The following TOM1L1 variants were observed in gnomAD, a reference collection of about 807,000 sequenced individuals.
The protein encoded by TOM1L1 is target of myb1 like 1 membrane trafficking protein, also known as TOM1-like protein 1.
A neutral mutation model predicts 63.4 loss-of-function variants in TOM1L1; 64 were observed. The ratio of observed to expected loss-of-function variants is 1.01; its 90% CI spans 0.83 to 1.24. TOM1L1 has a LOEUF of 1.24. TOM1L1 is among the 50% of genes most tolerant of loss of function. TOM1L1 has a pLI of 0.00. For missense variants in TOM1L1, 536 were observed against 567.0 expected (o/e 0.95, Z 0.55); for synonymous variants, 166 against 194.4 (o/e 0.85, Z 1.22).
At position 54,947,253 on chromosome 17, in the gene TOM1L1, T is replaced by C. The variant is rs2143946448; in HGVS notation, c.1131-8T>C. ...GGGTAATCATTCTGTGTTATCACAC[T>C]ATCCTAGGTTTGCCCAAAGGACCAG... On this transcript the variant is annotated splice_region_variant and splice_polypyrimidine_tract_variant and intron_variant, in intron 11 of 15. Transcript: ENST00000575882. The C allele has an allele frequency of 6.2e-7, 1 of 1,613,954 alleles. No homozygotes were observed. The highest frequency in any genetic ancestry group is 1.1e-5 in the South Asian group (1 of 91,068).
chr17:54,935,405 G>A (rs2048928772), intron 8 of TOM1L1, among the ~76,000 whole-genome samples: 3 of 152,182 alleles, frequency 2.0e-5, no homozygotes, highest in Admixed American at 2.0e-4. Context: ...CCATCTGGAT[G>A]TATACCTGCA....
chr17:54,937,036 C>T, intron 9 of TOM1L1, 73 bp from the exon 10 acceptor site: 1 of 1,282,808 alleles, frequency 7.8e-7, no homozygotes. Flanking sequence ...CTCCCCTCTA[C>T]AAAGGAGAAA....
At chr17:54,934,090 A>C (rs9893378) in intron 8 of TOM1L1, among the ~76,000 whole-genome samples, 9,160 of 152,262 alleles carry the variant, frequency 0.06, 874 homozygotes, top group African/African-American at 0.21. Flanking sequence ...CTACATAAGC[A>C]GTAGGGCAGA....
At chr17:54,942,077 CAAAG>C (rs977238516) in intron 11 of TOM1L1, among the ~76,000 whole-genome samples, 15 of 151,882 alleles carry the variant, frequency 9.9e-5, no homozygotes, top group Non-Finnish European at 1.9e-4. Context: ...AAAACAATAA[CAAAG>C]AAGACAGGAT....
At chr17:54,929,951 G>GGTA in intron 7 of TOM1L1, 122 bp from the exon 8 acceptor site, 1 of 1,163,572 alleles carries the variant, frequency 8.6e-7, no homozygotes, top group Non-Finnish European at 1.2e-6. Context: ...TAAGTACTTT[G>GGTA]GTAGTGCCCC....
chr17:54,939,049 A>G (rs1042816039), intron 11 of TOM1L1, 29 bp downstream of exon 11: 2 of 1,381,802 alleles, frequency 1.4e-6, no homozygotes, highest in African/African-American at 2.9e-5. Flanking sequence ...CTGCAGAACT[A>G]ATATCATGAC....
At chr17:54,915,412 T>C (rs1362278337) in intron 6 of TOM1L1, among the ~76,000 whole-genome samples, 1 of 152,144 alleles carries the variant, frequency 6.6e-6, no homozygotes, top group Non-Finnish European at 1.5e-5. Context: ...ACTTTTGCCA[T>C]TTTATCCAGG....
intron 3 of TOM1L1, among the ~76,000 whole-genome samples, chr17:54,908,328 A>G (rs937459750): frequency 2.0e-5 from 3 of 152,166 alleles, no homozygotes; most frequent in African/African-American, 7.2e-5. Context: ...TTAATGGTCT[A>G]GTCACCTCGT....
At chr17:54,959,211 G>A (rs901645253) in intron 14 of TOM1L1, 5 of 152,120 alleles carry the variant, frequency 3.3e-5, no homozygotes, top group East Asian at 1.9e-4. Context: ...GTTTCATAGC[G>A]CTGTGATTTT....
At chr17:54,942,897 G>T (rs1475769046) in intron 11 of TOM1L1, among the ~76,000 whole-genome samples, 3 of 152,100 alleles carry the variant, frequency 2.0e-5, no homozygotes, top group Admixed American at 6.5e-5. Context: ...GCTATAGTTT[G>T]TCTTTGAGAA....
intron 7 of TOM1L1, among the ~76,000 whole-genome samples, chr17:54,922,137 C>CA (rs2048694291): frequency 6.6e-6 from 1 of 151,546 alleles, no homozygotes; most frequent in South Asian, 2.1e-4. Flanking sequence ...CTAAAAAATA[C>CA]AAAAAATTAG....
At chr17:54,947,895 ACC>A (rs2078503857) in intron 12 of TOM1L1, among the ~76,000 whole-genome samples, 1 of 151,774 alleles carries the variant, frequency 6.6e-6, no homozygotes, top group Non-Finnish European at 1.5e-5. Flanking sequence ...TGTAGCCCAG[ACC>A]CCTTCTCTAA....
At chr17:54,958,289 A>T (rs1408971328) in intron 14 of TOM1L1, 2 of 152,258 alleles carry the variant, frequency 1.3e-5, no homozygotes, top group Admixed American at 1.3e-4. Flanking sequence ...AATGGATTGG[A>T]GATCATTGAT....
At chr17:54,943,481 A>T (rs1381204389) in intron 11 of TOM1L1, among the ~76,000 whole-genome samples, 1 of 77,148 alleles carries the variant, frequency 1.3e-5, no homozygotes, top group South Asian at 3.7e-4. Flanking sequence ...TGTGTGTGTG[A>T]AATAAAGTTG....
At chr17:54,913,988 A>G in intron 5 of TOM1L1, 115 bp downstream of exon 5, 1 of 1,216,396 alleles carries the variant, frequency 8.2e-7, no homozygotes, top group Non-Finnish European at 1.1e-6. Flanking sequence ...TGAAGTTATT[A>G]GAAGGATATT....
intron 8 of TOM1L1, among the ~76,000 whole-genome samples, chr17:54,933,360 T>C (rs1375140895): frequency 1.3e-5 from 2 of 152,190 alleles, no homozygotes; most frequent in African/African-American, 2.4e-5. Context: ...TCCCAGATAA[T>C]CTCCCAATTA....
chr17:54,920,645 A>T (rs1473242026), intron 7 of TOM1L1, among the ~76,000 whole-genome samples: 1 of 152,170 alleles, frequency 6.6e-6, no homozygotes, highest in East Asian at 1.9e-4. Flanking sequence ...AAGAATGAAT[A>T]GGCCTTGGGC....
At chr17:54,909,749 G>T (rs1194383263) in intron 3 of TOM1L1, among the ~76,000 whole-genome samples, 2 of 152,246 alleles carry the variant, frequency 1.3e-5, no homozygotes, top group Non-Finnish European at 2.9e-5. Flanking sequence ...GTGAAGCCTG[G>T]AGTCACCCAC....
intron 14 of TOM1L1, chr17:54,953,780 G>C (rs2144009177): frequency 6.6e-6 from 1 of 152,276 alleles, no homozygotes; most frequent in Non-Finnish European, 1.5e-5. Flanking sequence ...ATGTCTACCA[G>C]TTGGAAAGGG....
Sources: allele counts gnomAD v4.1 joint callset (sites outside exome capture counted in the v4.1 genomes callset), GRCh38; gene constraint gnomAD v4.1.1; transcripts MANE v1.5; gene names NCBI Gene and HGNC (gene_info 2026-07-23, HGNC 2026-07-21).